Variants in CRACD observed in about 807,000 individuals in gnomAD.
The protein encoded by CRACD is capping protein-inhibiting regulator of actin dynamics.
In CRACD, 56 loss-of-function variants were observed where a neutral mutation model predicts 106.8. That is an observed-to-expected ratio of 0.52 (90% confidence interval 0.42 to 0.66). CRACD has a LOEUF of 0.66. CRACD is among the 30% of genes least tolerant of loss of function. CRACD has a pLI of 0.00. For synonymous variants in CRACD, 754 were observed against 670.8 expected (o/e 1.12, Z -1.92); for missense variants, 1,730 against 1,623.2 (o/e 1.07, Z -1.13).
chr4:56,132,492 A>G (rs912057801), intron 1 of CRACD, among the ~76,000 whole-genome samples: 4 of 151,940 alleles, frequency 2.6e-5, no homozygotes, highest in African/African-American at 9.7e-5. Context: ...ACAGGGGTGC[A>G]CCACCACATT....
At chr4:56,148,614 A>C (rs1735477380) in intron 1 of CRACD, among the ~76,000 whole-genome samples, 1 of 152,032 alleles carries the variant, frequency 6.6e-6, no homozygotes, top group South Asian at 2.1e-4. Context: ...TTTGGTATGT[A>C]TTTCCCCAAT....
Position 56,314,532 on chromosome 4 carries a change from C to T in CRACD, c.1030C>T (p.Arg344Trp), listed in dbSNP as rs552632974. The T allele has an allele frequency of 3.3e-6, 5 of 1,509,082 alleles. No individual in the cohort carries two copies. Among genetic ancestry groups the T allele is most frequent in the Non-Finnish European group, 4.4e-6 (5 of 1,131,824 alleles). 93.5% of individuals were successfully genotyped at this position (1,509,082 alleles called of 1,614,324 possible). A position where few individuals can be genotyped will look rare whatever the true frequency, so the allele number is the denominator to read the frequency against. Residue 344 changes from arginine (R) to tryptophan (W), a missense_variant, in exon 8 of 11, where the codon CGG becomes TGG. By Grantham distance (101) the Arg-to-Trp change is moderately radical. This residue lies in a region of CRACD where 1,620 missense variants were observed against 1,481.6 expected (regional missense o/e 1.09). Coordinates refer to ENST00000682029, the MANE Select transcript of CRACD (RefSeq NM_001393381.1). The surrounding 1 kb of genome is among the most constrained non-coding windows in gnomAD (Gnocchi z 4.4). ...RLEEDARLEE[R>W]RRQEEEEGRC... ...GGAGGAGGACGCCAGGCTGGAGGAG[C>T]GGAGGCGGCAGGAGGAGGAGGAAGG... is the stretch of plus-strand genomic sequence containing the variant.
intron 2 of CRACD, among the ~76,000 whole-genome samples, chr4:56,191,109 A>G (rs1184395880): frequency 6.6e-6 from 1 of 152,174 alleles, no homozygotes; most frequent in African/African-American, 2.4e-5. Context: ...GACCAGAGAA[A>G]CCTTGATAAT....
At chr4:56,094,903 T>G (rs1017452847) in intron 1 of CRACD, among the ~76,000 whole-genome samples, 7 of 152,172 alleles carry the variant, frequency 4.6e-5, no homozygotes, top group Non-Finnish European at 5.9e-5. Context: ...CCACCTAGAT[T>G]TAACAATTGC....
intron 1 of CRACD, among the ~76,000 whole-genome samples, chr4:56,111,286 T>C (rs1734113396): frequency 6.6e-6 from 1 of 152,076 alleles, no homozygotes; most frequent in Non-Finnish European, 1.5e-5. Context: ...AATACAACAC[T>C]GCATTCGAAG....
intron 1 of CRACD, among the ~76,000 whole-genome samples, chr4:56,146,580 G>A (rs1199916861): frequency 1.2e-4 from 8 of 66,996 alleles, no homozygotes; most frequent in African/African-American, 3.4e-4. Context: ...TCCCCCCACC[G>A]CCATGTATCT....
intron 2 of CRACD, among the ~76,000 whole-genome samples, chr4:56,230,662 T>TAGGCTCCTA (rs1476243308): frequency 6.6e-6 from 1 of 152,214 alleles, no homozygotes; most frequent in Non-Finnish European, 1.5e-5. Flanking sequence ...GGGCTGAGCT[T>TAGGCTCCTA]AGGCTCCTAA....
rs770739539 is a variant in CRACD, at chr4:56,315,150, T to C, written c.1648T>C (p.Phe550Leu). 2 of 1,606,932 alleles carry C rather than the reference T, an allele frequency of 1.2e-6. No homozygotes were observed. The highest frequency in any genetic ancestry group is 2.2e-5 in the East Asian group (1 of 44,598). The change falls in exon 8 of 11, where the codon TTT (phenylalanine) becomes CTT (leucine). Residue 550 changes from phenylalanine (F) to leucine (L), a missense_variant. Transcript: ENST00000682029. This position sits in a 1 kb window ranked among gnomAD's most constrained non-coding sequence, Gnocchi z 4.1. The part of the protein sequence containing the change: ...QVSSGGKQIL[F>L]PKVNLSPVTP... ...GTCCTCCGGAGGGAAGCAGATTCTC[T>C]TTCCCAAAGTCAACCTGAGCCCCGT...
intron 1 of CRACD, among the ~76,000 whole-genome samples, chr4:56,117,311 G>A (rs969663062): frequency 1.3e-5 from 2 of 152,096 alleles, no homozygotes; most frequent in Non-Finnish European, 2.9e-5. Context: ...TTGAGCCTCC[G>A]TGCCCGGCCC....
intron 1 of CRACD, among the ~76,000 whole-genome samples, chr4:56,066,535 C>G (rs1373446430): frequency 6.6e-6 from 1 of 151,790 alleles, no homozygotes; most frequent in African/African-American, 2.4e-5. Context: ...AGAGCGAGAC[C>G]CTGTCTCAGA....
chr4:56,320,829 A>C (rs549797082), intron 8 of CRACD: 1 of 156,480 alleles, frequency 6.4e-6, no homozygotes, highest in East Asian at 1.9e-4. Context: ...CCCTTCCACC[A>C]GCTTCATAAA....
rs1386261886 is a variant in CRACD, at chr4:56,184,091, G to C, written c.-189+4661G>C. ...CATTTCTTTCTTTTTTTTCCCCCAAGACAGAGTCTTGATCTGTCGCCCAGG... is the reference window on the plus strand; with the variant it reads ...CATTTCTTTCTTTTTTTTCCCCCAACACAGAGTCTTGATCTGTCGCCCAGG... On this transcript the variant is annotated intron_variant, in intron 2 of 10. Coordinates refer to ENST00000682029, the MANE Select transcript of CRACD (RefSeq NM_001393381.1). 2.0e-5 allele frequency among the ~76,000 whole-genome samples: 3 copies of C among 151,956 alleles called. No homozygotes were observed. The East Asian group carries it at 5.8e-4, about 29-fold the overall frequency.
intron 3 of CRACD, among the ~76,000 whole-genome samples, chr4:56,293,226 G>A (rs749306169): frequency 6.6e-6 from 1 of 152,122 alleles, no homozygotes; most frequent in South Asian, 2.1e-4. Flanking sequence ...AGTTAAAAGG[G>A]TTTAACATGG....
chr4:56,254,991 A>G (rs1413085613), intron 2 of CRACD, among the ~76,000 whole-genome samples: 1 of 151,402 alleles, frequency 6.6e-6, no homozygotes, highest in East Asian at 1.9e-4. Context: ...GCAGGCACCT[A>G]TAGTCCCAGC....
chr4:56,123,201 A>G (rs968258915), intron 1 of CRACD, among the ~76,000 whole-genome samples: 11 of 152,202 alleles, frequency 7.2e-5, no homozygotes, highest in Admixed American at 2.0e-4. Flanking sequence ...TGTTCTAAGT[A>G]CTTCACATGC....
At position 56,329,510 on chromosome 4, in the gene CRACD, C is replaced by G. The variant is rs1746672593; in HGVS notation, c.*1706C>G. On this transcript the variant is annotated 3_prime_UTR_variant, in exon 11 of 11. Transcript: ENST00000682029. ...CACTGTAGCAGCTGGCATGTGTGGT[C>G]AAGTGGATAGTTGTACTCTTGCAAG... Among the ~76,000 whole-genome samples the G allele has an allele frequency of 6.6e-6, 1 of 152,128 alleles. No homozygotes were observed. The highest frequency in any genetic ancestry group is 2.1e-4 in the South Asian group (1 of 4,820).
intron 1 of CRACD, among the ~76,000 whole-genome samples, chr4:56,148,272 GT>G (rs55909172): frequency 0.33 from 48,608 of 149,306 alleles, 7,851 homozygotes; most frequent in Admixed American, 0.36. Context: ...TGCTTTTGTT[GT>G]TTTTTTTTTA....
rs901975657 is a variant in CRACD, at chr4:56,329,234, T to C, written c.*1430T>C. Among the ~76,000 whole-genome samples the C allele has an allele frequency of 2.6e-5, 4 of 152,232 alleles. 1 individual carries two copies. The highest frequency in any genetic ancestry group is 6.5e-5 in the Admixed American group (1 of 15,286). ...GTGCTAACCTTATATTTCATAGTGT[T>C]GGCATATTCCCCTTTTCTTAGATTC... is the stretch of plus-strand genomic sequence containing the variant. On this transcript the variant is annotated 3_prime_UTR_variant, in exon 11 of 11. Coordinates refer to ENST00000682029, the MANE Select transcript of CRACD (RefSeq NM_001393381.1).
intron 1 of CRACD, among the ~76,000 whole-genome samples, chr4:56,066,313 G>T (rs1415434679): frequency 1.3e-5 from 2 of 152,098 alleles, no homozygotes; most frequent in Non-Finnish European, 2.9e-5. Flanking sequence ...AGGGTTTTTT[G>T]GAGCATTCTT....
Sources: gnomAD v4.1 joint callset for allele counts (sites outside exome capture counted in the v4.1 genomes callset) on GRCh38, gnomAD v4.1.1 for gene constraint, gnomAD v4.1.1 regional missense constraint, Gnocchi (gnomAD v3.1) non-coding constraint, MANE v1.5 for transcripts, NCBI Gene and HGNC (gene_info 2026-07-23, HGNC 2026-07-21) for gene names.